Variants in CBARP observed in about 807,000 individuals in gnomAD.
The protein encoded by CBARP is CACN subunit beta associated regulatory protein.
In CBARP, 24 loss-of-function variants were observed where a neutral mutation model predicts 36.3. The observed-to-expected ratio is 0.66, with a 90% CI of 0.48 to 0.93. The LOEUF (loss-of-function observed/expected upper bound fraction) is 0.93, where lower values mean the gene tolerates loss of function less well. CBARP is among the 40% of genes least tolerant of loss of function. CBARP has a pLI of 0.00. For synonymous variants in CBARP, 586 were observed against 453.2 expected (o/e 1.29, Z -3.72); for missense variants, 1,146 against 980.4 (o/e 1.17, Z -2.26).
chr19:1,235,562 G>A lies in CBARP; in HGVS notation c.249C>T (p.Ala83=). 1 of 1,607,894 alleles carries A rather than the reference G, an allele frequency of 6.2e-7. No homozygotes were observed. Among genetic ancestry groups the A allele is most frequent in the Non-Finnish European group, 8.5e-7 (1 of 1,177,536 alleles). Residue 83 remains alanine (A), a synonymous_variant, in exon 4 of 10, where the codon GCC becomes GCT. Coordinates refer to ENST00000650044, the MANE Select transcript of CBARP (RefSeq NM_001393918.1). ...TGGTGGTCTTCTCCGCTTCCTCCAT[G>A]GCCCTGGGAGAGACGTTGGGAGAGC... ...CWDVHQRLNR[A]MEEAEKTTTT...
intron 1 of CBARP, among the ~76,000 whole-genome samples, chr19:1,237,365 G>A (rs1025127706): frequency 6.6e-6 from 1 of 152,142 alleles, no homozygotes. Flanking sequence ...GGAGGCCGGG[G>A]AAGATGGCAG....
At chr19:1,232,701 A>G (rs754430699) in intron 8 of CBARP, among the ~76,000 whole-genome samples, 1 of 152,256 alleles carries the variant, frequency 6.6e-6, no homozygotes, top group Non-Finnish European at 1.5e-5. Flanking sequence ...TACAGCCCAG[A>G]GGGCAAAAGC....
chr19:1,238,292 G>A (rs2081003840), upstream of CBARP: 1 of 152,410 alleles, frequency 6.6e-6, no homozygotes, highest in South Asian at 2.1e-4. Context: ...ACGTTGCTTG[G>A]TCCGTGGGGG....
chr19:1,237,032 T>G (rs1332530258), intron 1 of CBARP, among the ~76,000 whole-genome samples: 14 of 151,652 alleles, frequency 9.2e-5, no homozygotes, highest in Non-Finnish European at 1.8e-4. Flanking sequence ...CGCAGCCGGG[T>G]GGGGAGGCCC....
chr19:1,229,487 G>A lies in CBARP; in HGVS notation c.1810C>T (p.Pro604Ser), dbSNP rs939605480. Residue 604 changes from proline to serine, a missense_variant, in exon 10 of 10, where the codon CCG becomes TCG. Physicochemically the swap from Pro to Ser is moderately conservative, Grantham distance 74 (BLOSUM62 -1). Transcript: ENST00000650044. The surrounding 1 kb of genome is among the most constrained non-coding windows in gnomAD (Gnocchi z 5.1). ...AAPALAGTPA[P>S]PAGAARPARA... ...GCGGGTCGGGCCGCGCCGGCAGGCG[G>A]TGCCGGGGTTCCGGCCAGGGCCGGG... The A allele has an allele frequency of 2.0e-6, 2 of 979,092 alleles. No individual in the cohort carries two copies. Among genetic ancestry groups the A allele is most frequent in the African/African-American group, 1.8e-5 (1 of 56,530 alleles). The allele number at this position is 979,092 out of a possible 1,614,324, so 60.7% of individuals were successfully genotyped here.
At chr19:1,231,653 C>A (rs2080896280) in intron 8 of CBARP, among the ~76,000 whole-genome samples, 1 of 148,206 alleles carries the variant, frequency 6.7e-6, no homozygotes, top group South Asian at 2.2e-4. Flanking sequence ...CCTGTGGCCC[C>A]CACACACACA....
At chr19:1,234,161 A>G (rs1306066680) in intron 7 of CBARP, 30 bp downstream of exon 7, 2 of 1,467,648 alleles carry the variant, frequency 1.4e-6, no homozygotes, top group South Asian at 2.9e-5. Context: ...CCGGCTGTGG[A>G]CACCATGGGG....
At chr19:1,234,867 C>T (rs1204131818) in intron 5 of CBARP, 125 bp from the exon 6 acceptor site, 1 of 1,497,750 alleles carries the variant, frequency 6.7e-7, no homozygotes, top group Admixed American at 2.0e-5. Context: ...CTGGCCAAGG[C>T]CGCCCCACCC....
chr19:1,231,826 G>A (rs1333833232), intron 8 of CBARP, among the ~76,000 whole-genome samples: 1 of 151,974 alleles, frequency 6.6e-6, no homozygotes. Context: ...AGAGGTGCTG[G>A]GACCAGAGAG....
chr19:1,236,070 CG>C lies in CBARP; in HGVS notation c.30del (p.Ala11ProfsTer11). 1 of 1,502,056 alleles carries C rather than the reference CG, an allele frequency of 6.7e-7. No individual in the cohort carries two copies. The highest frequency in any genetic ancestry group is 8.9e-7 in the Non-Finnish European group (1 of 1,129,658). The allele number at this position is 1,502,056 out of a possible 1,614,324, so 93.0% of individuals were successfully genotyped here. ...GCAGTGGTGGTGGTGGTGGTGGTGGCGGCTGTGGCCATGGTGGCTGTGGGCT... is the reference window on the plus strand; with the variant it reads ...GCAGTGGTGGTGGTGGTGGTGGTGGCGCTGTGGCCATGGTGGCTGTGGGCT... Reference protein sequence around the residue: MQPTATMATAATTTTTTTAT... With the variant: MQPTATMATXATTTTTTTAT... On this transcript the variant is annotated frameshift_variant, in exon 2 of 10. Coordinates refer to ENST00000650044, the MANE Select transcript of CBARP (RefSeq NM_001393918.1). LOFTEE classifies it high-confidence loss of function.
At position 1,235,026 on chromosome 19, in the gene CBARP, G is replaced by A. The variant is rs758485428; in HGVS notation, c.430C>T (p.Arg144Cys). Residue 144 changes from arginine (R) to cysteine (C), a missense_variant, in exon 5 of 10, where the codon CGC becomes TGC. Coordinates refer to ENST00000650044, the MANE Select transcript of CBARP (RefSeq NM_001393918.1). The stretch of plus-strand genomic sequence containing the variant: ...CGGCGACCCTTGTCCTGCGTCTTGC[G>A]GCTCTGCTCAAACAGCGCCGCCTCA... ...FNEAALFEQS[R>C]KTQDKGRRYT... is the part of the protein sequence containing the mutation. 9 of 1,609,900 alleles carry A rather than the reference G, an allele frequency of 5.6e-6. No individual in the cohort carries two copies. Among genetic ancestry groups the A allele is most frequent in the South Asian group, 3.3e-5 (3 of 90,996 alleles).
intron 9 of CBARP, chr19:1,230,864 G>A (rs982499202): frequency 2.7e-6 from 4 of 1,497,702 alleles, no homozygotes; most frequent in East Asian, 2.4e-5. Context: ...TCCTCGGGGG[G>A]CCCCTCCTCC....
intron 7 of CBARP, 125 bp from the exon 8 acceptor site, chr19:1,233,761 C>G: frequency 1.0e-6 from 1 of 964,414 alleles, no homozygotes; most frequent in Non-Finnish European, 1.5e-6. Flanking sequence ...GAGAGGGGTA[C>G]CTGCTCGGAG....
At chr19:1,233,045 A>G (rs2080914413) in intron 8 of CBARP, among the ~76,000 whole-genome samples, 1 of 152,198 alleles carries the variant, frequency 6.6e-6, no homozygotes, top group African/African-American at 2.4e-5. Context: ...CAGGGATGAG[A>G]GCCGAGCATG....
intron 7 of CBARP, 103 bp from the exon 8 acceptor site, chr19:1,233,739 A>G: frequency 1.8e-5 from 20 of 1,134,272 alleles, no homozygotes; most frequent in Non-Finnish European, 2.5e-5. Context: ...AGGGCCCCCC[A>G]TCACTGGGAC....
Position 1,235,888 on chromosome 19 carries a change from C to T in CBARP, c.136G>A (p.Val46Met), listed in dbSNP as rs1187164831. The change falls in exon 3 of 10, where the codon GTG becomes ATG. Residue 46 changes from valine to methionine, a missense_variant. Coordinates refer to ENST00000650044, the MANE Select transcript of CBARP (RefSeq NM_001393918.1). ...AEPDPILDNY[V>M]LLVVVMSLFV... ...AGCGACATCACCACCACCAGCAGCA[C>T]GTAGTTGTCCAGGATGGGGTCTGGC... 6.8e-6 allele frequency: 11 copies of T among 1,612,216 alleles called. No homozygotes were observed. The highest frequency in any genetic ancestry group is 1.6e-4 in the Middle Eastern group (1 of 6,082).
At position 1,229,239 on chromosome 19, in the gene CBARP, G is replaced by C. The variant is rs781739051; in HGVS notation, c.2058C>G (p.Val686=). 8 of 1,238,046 alleles carry C rather than the reference G, an allele frequency of 6.5e-6. No homozygotes were observed. The African/African-American group carries it at 1.1e-4, about 18-fold the overall frequency. The allele number at this position is 1,238,046 out of a possible 1,614,324, so 76.7% of individuals were successfully genotyped here. A position where few individuals can be genotyped will look rare whatever the true frequency, so the allele number is the denominator to read the frequency against. ...RLFPPRLAEP[V]VATPALVAAA... is the part of the protein sequence containing the mutation. The stretch of plus-strand genomic sequence containing the variant: ...CGGCGACCAACGCGGGAGTCGCCAC[G>C]ACGGGCTCGGCGAGGCGCGGCGGAA... Residue 686 remains valine (V), a synonymous_variant, in exon 10 of 10, where the codon GTC becomes GTG. Transcript: ENST00000650044. This position sits in a 1 kb window ranked among gnomAD's most constrained non-coding sequence, Gnocchi z 5.1.
intron 9 of CBARP, 90 bp downstream of exon 9, chr19:1,231,011 G>A (rs1235469892): frequency 3.2e-6 from 5 of 1,549,566 alleles, no homozygotes; most frequent in Non-Finnish European, 4.4e-6. Flanking sequence ...CACGGGGCCT[G>A]GAGAGCGCTC....
Position 1,229,759 on chromosome 19 carries a change from G to T in CBARP, c.1538C>A (p.Ala513Glu). 1 of 1,008,072 alleles carries T rather than the reference G, an allele frequency of 9.9e-7. No individual in the cohort carries two copies. The highest frequency in any genetic ancestry group is 1.2e-6 in the Non-Finnish European group (1 of 839,470). The allele number at this position is 1,008,072 out of a possible 1,614,324, so 62.4% of individuals were successfully genotyped here. A position where few individuals can be genotyped will look rare whatever the true frequency, so the allele number is the denominator to read the frequency against. ...GGCAGGTGGCTCGGTGTCGTCGCCT[G>T]CGCCGCGGCCCTCGATGCTGGCGTA... ...SGYASIEGRG[A>E]GDDTEPPAAP... Residue 513 changes from alanine to glutamate, a missense_variant, in exon 10 of 10, where the codon GCA (alanine) becomes GAA (glutamate). By Grantham distance (107) the Ala-to-Glu change is moderately radical (BLOSUM62 -1). Transcript: ENST00000650044. This position sits in a 1 kb window ranked among gnomAD's most constrained non-coding sequence, Gnocchi z 5.1.
Sources: allele counts gnomAD v4.1 joint callset (sites outside exome capture counted in the v4.1 genomes callset), GRCh38; gene constraint gnomAD v4.1.1; non-coding constraint Gnocchi (gnomAD v3.1); transcripts MANE v1.5; gene names NCBI Gene and HGNC (gene_info 2026-07-23, HGNC 2026-07-21).